FANCI: variants seen among roughly 807,000 people sequenced by gnomAD.
FANCI encodes the protein FA complementation group I.
A neutral mutation model predicts 176.1 loss-of-function variants in FANCI; 156 were observed. The ratio of observed to expected loss-of-function variants is 0.89; its 90% confidence interval spans 0.78 to 1.01. The LOEUF (loss-of-function observed/expected upper bound fraction) is 1.01, where lower values mean the gene tolerates loss of function less well. Among genes scored for constraint, FANCI ranks in the 50% least tolerant of loss-of-function variants. The probability of loss-of-function intolerance (pLI) is 0.00; values close to 1 mark genes in which losing one functional copy is unlikely to be tolerated. For missense variants in FANCI, 1,678 were observed against 1,534.1 expected (o/e 1.09, Z -1.57); for synonymous variants, 613 against 541.7 (o/e 1.13, Z -1.83).
intron 24 of FANCI, among the ~76,000 whole-genome samples, chr15:89,297,468 A>G (rs1437663547): frequency 6.6e-6 from 1 of 152,072 alleles, no homozygotes; most frequent in Non-Finnish European, 1.5e-5. Flanking sequence ...CAGCCTGGGC[A>G]CCATTGAGCA....
At chr15:89,287,335 C>T (rs757648995) in intron 18 of FANCI, among the ~76,000 whole-genome samples, 9 of 152,182 alleles carry the variant, frequency 5.9e-5, no homozygotes, top group African/African-American at 9.7e-5. Flanking sequence ...AACCTCTGCT[C>T]GCTTCAGCTT....
At chr15:89,300,808 A>T (rs1366974413) in intron 26 of FANCI, among the ~76,000 whole-genome samples, 1 of 152,246 alleles carries the variant, frequency 6.6e-6, no homozygotes, top group Non-Finnish European at 1.5e-5. Flanking sequence ...TTTTTATTTA[A>T]CAAGTAATTC....
intron 34 of FANCI, among the ~76,000 whole-genome samples, chr15:89,311,392 C>T (rs2054954054): frequency 6.6e-6 from 1 of 152,200 alleles, no homozygotes; most frequent in Non-Finnish European, 1.5e-5. Flanking sequence ...GTACTCCAGC[C>T]TGGGCGACAG....
In FANCI at chr15:89,285,169, T is replaced by G; in HGVS notation, c.1772T>G (p.Leu591Trp). The G allele has an allele frequency of 6.2e-7, 1 of 1,614,182 alleles. No individual in the cohort carries two copies. ...ETFCLEIMDS[L>W]RRCLSQQADV... ...TTTTGCCTTGAGATCATGGATAGTTTGAGGAGATGCTTAAGCCAGCAAGCT... is the reference window on the plus strand; with the variant it reads ...TTTTGCCTTGAGATCATGGATAGTTGGAGGAGATGCTTAAGCCAGCAAGCT... The change falls in exon 18 of 38, where the codon TTG becomes TGG. Residue 591 changes from leucine (L) to tryptophan (W), a missense_variant. Coordinates refer to ENST00000310775, the MANE Select transcript of FANCI (RefSeq NM_001113378.2).
intron 2 of FANCI, among the ~76,000 whole-genome samples, chr15:89,251,612 ATAT>A (rs1196352050): frequency 2.0e-5 from 3 of 152,232 alleles, no homozygotes; most frequent in African/African-American, 7.2e-5. Flanking sequence ...AAAGTCTTAA[ATAT>A]TAGGGGACAG....
chr15:89,307,325 G>C (rs2054761715), intron 32 of FANCI, 151 bp from the exon 33 acceptor site: 3 of 720,954 alleles, frequency 4.2e-6, no homozygotes, highest in East Asian at 5.4e-5. Context: ...CTTTGGAGGA[G>C]AGGAATAAGG....
Position 89,278,675 on chromosome 15 carries a change from T to C in FANCI, c.1294-12T>C, listed in dbSNP as rs1198090835. The stretch of plus-strand genomic sequence containing the variant: ...TCACCCAGGAATATTTTATTTATTC[T>C]GTTCTTTTTAGATCCATGAGATGAT... On this transcript the variant is annotated splice_polypyrimidine_tract_variant and intron_variant, in intron 13 of 37. Transcript: ENST00000310775. The C allele has an allele frequency of 6.2e-7, 1 of 1,605,588 alleles. No homozygotes were observed. The highest frequency in any genetic ancestry group is 8.5e-7 in the Non-Finnish European group (1 of 1,172,386).
chr15:89,308,645 C>G (rs1415864474), intron 34 of FANCI, among the ~76,000 whole-genome samples: 1 of 152,108 alleles, frequency 6.6e-6, no homozygotes, highest in Non-Finnish European at 1.5e-5. Flanking sequence ...CTTCCCCTCC[C>G]TTTAAGAATC....
chr15:89,268,624 T>G (rs1287439047), intron 10 of FANCI, 99 bp downstream of exon 10: 1 of 1,463,216 alleles, frequency 6.8e-7, no homozygotes, highest in African/African-American at 1.4e-5. Context: ...ATAAATACTG[T>G]AAAATGACCC....
At chr15:89,260,580 G>A in intron 3 of FANCI, 133 bp from the exon 4 acceptor site, 2 of 1,198,290 alleles carry the variant, frequency 1.7e-6, no homozygotes, top group Admixed American at 1.8e-5. Flanking sequence ...AACCATTGCT[G>A]TTCTAAGCAC....
intron 18 of FANCI, among the ~76,000 whole-genome samples, chr15:89,288,675 ACTAGTGCAGTCTAACTCACTGCAGC>A (rs369312069): frequency 1.9e-4 from 29 of 149,690 alleles, no homozygotes; most frequent in African/African-American, 7.1e-4. Context: ...GCTGGAGTGC[ACTAGTGCAGTCTAACTCACTGCAGC>A]CTCCAGCTCC....
At chr15:89,256,195 T>C (rs2052485519) in intron 2 of FANCI, among the ~76,000 whole-genome samples, 1 of 152,212 alleles carries the variant, frequency 6.6e-6, no homozygotes, top group South Asian at 2.1e-4. Flanking sequence ...TGGTGGGCTG[T>C]CCAGTGCATT....
intron 35 of FANCI, among the ~76,000 whole-genome samples, chr15:89,313,452 TGAAATG>T (rs2055048045): frequency 6.6e-6 from 1 of 152,174 alleles, no homozygotes; most frequent in African/African-American, 2.4e-5. Context: ...AATCTTGAGT[TGAAATG>T]GAAATAGTAA....
At chr15:89,304,060 T>C in intron 28 of FANCI, 145 bp downstream of exon 28, 1 of 772,238 alleles carries the variant, frequency 1.3e-6, no homozygotes, top group South Asian at 1.5e-5. Flanking sequence ...CAAGTCGAAT[T>C]GTTGGCAAGA....
intron 23 of FANCI, among the ~76,000 whole-genome samples, chr15:89,294,571 A>G (rs2054182127): frequency 6.6e-6 from 1 of 151,928 alleles, no homozygotes; most frequent in Non-Finnish European, 1.5e-5. Context: ...GGCAACAAGA[A>G]CAAAATTCTG....
chr15:89,293,176 C>G, intron 22 of FANCI, 113 bp downstream of exon 22: 1 of 1,149,806 alleles, frequency 8.7e-7, no homozygotes, highest in Non-Finnish European at 1.3e-6. Flanking sequence ...ATGACACTGT[C>G]TCTTAAATGA....
Position 89,263,925 on chromosome 15 carries a change from G to C in FANCI, c.568G>C (p.Glu190Gln), listed in dbSNP as rs1222133924. Residue 190 changes from glutamate (E) to glutamine (Q), a missense_variant, in exon 8 of 38, where the codon GAG (glutamate) becomes CAG (glutamine). Physicochemically the swap from Glu to Gln is conservative, Grantham distance 29. Transcript: ENST00000310775. ...CAGGGATGTCCCTCTGACTGCAGAA[G>C]AGGTGGAATTTGTGGTGGAAAAAGC... ...MFKDVPLTAE[E>Q]VEFVVEKALS... 4.3e-6 allele frequency: 7 copies of C among 1,613,982 alleles called. No individual in the cohort carries two copies. Among genetic ancestry groups the C allele is most frequent in the Non-Finnish European group, 5.1e-6 (6 of 1,179,964 alleles).
At chr15:89,290,106 GA>G (rs1369488388) in intron 18 of FANCI, 106 bp from the exon 19 acceptor site, 1 of 928,386 alleles carries the variant, frequency 1.1e-6, no homozygotes. Context: ...GTCTCAATAG[GA>G]AAAAACTGAG....
chr15:89,301,931 A>G (rs1200930579), intron 27 of FANCI, among the ~76,000 whole-genome samples: 1 of 152,256 alleles, frequency 6.6e-6, no homozygotes, highest in East Asian at 1.9e-4. Context: ...CCCAAAGCAG[A>G]AACACCTCTG....
Sources: gnomAD v4.1 joint callset for allele counts (sites outside exome capture counted in the v4.1 genomes callset) on GRCh38, gnomAD v4.1.1 for gene constraint, MANE v1.5 for transcripts, NCBI Gene and HGNC (gene_info 2026-07-23, HGNC 2026-07-21) for gene names.